C5orf24: variants seen among roughly 807,000 people sequenced by gnomAD.
C5orf24 encodes UPF0461 protein C5orf24.
Under a neutral mutation model 9.8 loss-of-function variants are expected in C5orf24, and 4 were observed. That is an observed-to-expected ratio of 0.41 (90% CI 0.20 to 0.93). The LOEUF is 0.93. Among genes scored for constraint, C5orf24 ranks in the 40% least tolerant of loss-of-function variants. C5orf24 has a pLI of 0.33. For synonymous variants in C5orf24, 73 were observed against 81.3 expected (o/e 0.90, Z 0.55); for missense variants, 170 against 236.9 (o/e 0.72, Z 1.85).
chr5:134,843,224 G>C (rs141003898), upstream of C5orf24, among the ~76,000 whole-genome samples: 1,260 of 152,096 alleles, frequency 8.3e-3, 18 homozygotes, highest in African/African-American at 0.028. Flanking sequence ...TAATCCACCT[G>C]CCTCGGCCTC....
chr5:134,845,323 T>G (rs1167977910), upstream of C5orf24, among the ~76,000 whole-genome samples: 1 of 152,254 alleles, frequency 6.6e-6, no homozygotes, highest in Non-Finnish European at 1.5e-5. Flanking sequence ...CTCTTCCCAC[T>G]GCTTAATAAA....
the C5orf24 span, among the ~76,000 whole-genome samples, chr5:134,840,287 C>G: frequency 8.1e-6 from 1 of 123,664 alleles, no homozygotes; most frequent in African/African-American, 3.2e-5. Context: ...AGCCTGGCGA[C>G]AGAGCGAGAC....
At chr5:134,842,903 A>G (rs937517283), upstream of C5orf24, among the ~76,000 whole-genome samples, 7 of 152,146 alleles carry the variant, frequency 4.6e-5, no homozygotes, top group African/African-American at 1.4e-4. Context: ...GGCACTTTCA[A>G]ATCCAAACTC....
chr5:134,835,134 A>T, the C5orf24 span, among the ~76,000 whole-genome samples: 2 of 152,126 alleles, frequency 1.3e-5, no homozygotes, highest in Admixed American at 1.3e-4. Context: ...CGAGCCCAGG[A>T]GGCAGAGGTT....
upstream of C5orf24, among the ~76,000 whole-genome samples, chr5:134,843,608 G>A (rs183910401): frequency 9.8e-5 from 15 of 152,294 alleles, no homozygotes; most frequent in Non-Finnish European, 1.2e-4. Flanking sequence ...CCAGACTGGA[G>A]TGCAGTGGCA....
At chr5:134,848,840 C>A (rs1580839602) in intron 1 of C5orf24, among the ~76,000 whole-genome samples, 1 of 151,372 alleles carries the variant, frequency 6.6e-6, no homozygotes, top group East Asian at 1.9e-4. Flanking sequence ...GCCTGTAATC[C>A]CAGCTACTCA....
At position 134,855,276 on chromosome 5, in the gene C5orf24, T is replaced by A. The variant is rs148188988; in HGVS notation, c.376T>A (p.Leu126Met). ...ATTTAAGACAAGTCCAGGCAGACCT[T>A]TGGGGACAACTAAAGCTGCGGGATA... is the stretch of plus-strand genomic sequence containing the variant. ...AGFKTSPGRP[L>M]GTTKAAGYKV... Residue 126 changes from leucine to methionine, a missense_variant, in exon 2 of 2, where the codon TTG (leucine) becomes ATG (methionine). Coordinates refer to ENST00000394976, the MANE Select transcript of C5orf24 (RefSeq NM_001135586.1). 2 of 1,614,088 alleles carry A rather than the reference T, an allele frequency of 1.2e-6. No individual in the cohort carries two copies. The highest frequency in any genetic ancestry group is 4.5e-5 in the East Asian group (2 of 44,882).
At chr5:134,833,655 G>C in the C5orf24 span, 1 of 152,050 alleles carries the variant, frequency 6.6e-6, no homozygotes, top group African/African-American at 2.4e-5. Flanking sequence ...GACTGTTAAC[G>C]GATATTTGAA....
In C5orf24 at chr5:134,857,365, C is replaced by T. The variant is rs1756342203; in HGVS notation, c.*1898C>T. ...CATACCTTTTTTATCAGGAAAAAAG[C>T]AGCAAGCCTTCAGGTGTTCCAGTGA... On this transcript the variant is annotated 3_prime_UTR_variant, in exon 2 of 2. Coordinates refer to ENST00000394976, the MANE Select transcript of C5orf24 (RefSeq NM_001135586.1). The T allele has an allele frequency of 3.2e-6, 5 of 1,547,636 alleles. No individual in the cohort carries two copies. In the East Asian group the frequency reaches 1.2e-4, roughly 38 times the overall value.
chr5:134,835,644 CAAAAAG>C, the C5orf24 span, among the ~76,000 whole-genome samples: 1 of 151,920 alleles, frequency 6.6e-6, no homozygotes, highest in Non-Finnish European at 1.5e-5. Context: ...AACTCCATCT[CAAAAAG>C]AAAAGCAGGA....
At chr5:134,844,997 A>G (rs1348242794), upstream of C5orf24, among the ~76,000 whole-genome samples, 1 of 152,108 alleles carries the variant, frequency 6.6e-6, no homozygotes, top group Non-Finnish European at 1.5e-5. Context: ...CGGCCTCCCA[A>G]AGTGCTGGGA....
At chr5:134,849,646 T>C in intron 1 of C5orf24, among the ~76,000 whole-genome samples, 1 of 103,464 alleles carries the variant, frequency 9.7e-6, no homozygotes, top group East Asian at 2.7e-4. Context: ...TAAGTCAGTG[T>C]CTTTTTTTTT....
chr5:134,853,349 G>A (rs1580843674), intron 1 of C5orf24, among the ~76,000 whole-genome samples: 3 of 132,702 alleles, frequency 2.3e-5, no homozygotes, highest in African/African-American at 8.3e-5. Context: ...CAACAAGTGC[G>A]AAACTCCACC....
upstream of C5orf24, among the ~76,000 whole-genome samples, chr5:134,844,953 G>A (rs530764311): frequency 6.6e-6 from 1 of 152,186 alleles, no homozygotes; most frequent in South Asian, 2.1e-4. Context: ...AGTCAGGCTT[G>A]TTTCGAACTC....
the C5orf24 span, among the ~76,000 whole-genome samples, chr5:134,834,339 A>G: frequency 3.6e-4 from 55 of 152,190 alleles, no homozygotes; most frequent in East Asian, 9.7e-3. Context: ...CTTGGCCTTT[A>G]TCCCTGAAAT....
upstream of C5orf24, chr5:134,845,792 G>A (rs1281517525): frequency 1.3e-5 from 2 of 152,288 alleles, no homozygotes; most frequent in Non-Finnish European, 2.9e-5. Context: ...AGCCACTGGG[G>A]ACGGTCCACG....
intron 1 of C5orf24, chr5:134,846,787 T>G (rs557357003): frequency 1.3e-5 from 2 of 152,356 alleles, no homozygotes; most frequent in African/African-American, 2.4e-5. Flanking sequence ...TGTGCCGTCC[T>G]ATTATCAAAA....
chr5:134,851,858 A>G (rs564342868), intron 1 of C5orf24, among the ~76,000 whole-genome samples: 80 of 152,352 alleles, frequency 5.3e-4, no homozygotes, highest in African/African-American at 1.9e-3. Context: ...CTTTCAGCCA[A>G]TACTATGTTT....
chr5:134,850,785 A>G (rs1022637171), intron 1 of C5orf24, among the ~76,000 whole-genome samples: 7 of 151,638 alleles, frequency 4.6e-5, no homozygotes, highest in Non-Finnish European at 7.4e-5. Flanking sequence ...CCGCACGACT[A>G]ATTTTTTAAT....
Sources: gnomAD v4.1 joint callset for allele counts (sites outside exome capture counted in the v4.1 genomes callset) on GRCh38, gnomAD v4.1.1 for gene constraint, MANE v1.5 for transcripts, NCBI Gene and HGNC (gene_info 2026-07-23, HGNC 2026-07-21) for gene names.